Variants in FYN observed in about 807,000 individuals in gnomAD.
The protein encoded by FYN is tyrosine-protein kinase Fyn.
In FYN, 10 loss-of-function variants were observed where a neutral mutation model predicts 70.2. The ratio of observed to expected loss-of-function variants is 0.14; its 90% CI spans 0.09 to 0.24. The LOEUF (loss-of-function observed/expected upper bound fraction) is 0.24. Among genes scored for constraint, FYN ranks in the 10% least tolerant of loss-of-function variants. FYN has a pLI of 1.00. For missense variants in FYN, 319 were observed against 673.1 expected (o/e 0.47, Z 5.82); for synonymous variants, 236 against 248.6 (o/e 0.95, Z 0.48).
intron 9 of FYN, among the ~76,000 whole-genome samples, chr6:111,697,646 A>T (rs1799632227): frequency 1.3e-5 from 2 of 152,238 alleles, no homozygotes; most frequent in South Asian, 4.1e-4. Flanking sequence ...TTTATAAGTG[A>T]TCTTTGCTAT....
intron 3 of FYN, among the ~76,000 whole-genome samples, chr6:111,778,756 A>G (rs1353912931): frequency 1.3e-5 from 2 of 152,002 alleles, no homozygotes; most frequent in Non-Finnish European, 2.9e-5. Context: ...AGCCTCCTAA[A>G]GTGCTGGGAT....
chr6:111,860,976 C>T (rs115207039), intron 1 of FYN, among the ~76,000 whole-genome samples: 80 of 152,310 alleles, frequency 5.3e-4, no homozygotes, highest in African/African-American at 1.8e-3. Context: ...AGGGCTATTG[C>T]ATTTTCACCC....
chr6:111,719,860 A>G lies in FYN; in HGVS notation c.192T>C (p.Phe64=), dbSNP rs1270731145. Residue 64 remains phenylalanine, a synonymous_variant, in exon 4 of 14, where the codon TTT becomes TTC. Transcript: ENST00000354650. ...TATGAGACGAAGAGTTCACACCTCC[A>G]AAGACGGTGAGTCCTTGGCCCCCGG... ...HAAGGQGLTV[F]GGVNSSSHTG... The G allele has an allele frequency of 1.2e-6, 2 of 1,614,142 alleles. No homozygotes were observed. The highest frequency in any genetic ancestry group is 1.7e-5 in the Admixed American group (1 of 60,024).
At chr6:111,712,815 C>T (rs1800448189) in intron 5 of FYN, among the ~76,000 whole-genome samples, 1 of 152,196 alleles carries the variant, frequency 6.6e-6, no homozygotes, top group South Asian at 2.1e-4. Flanking sequence ...CTGGTGGCCA[C>T]ACAGGCATGT....
At chr6:111,804,127 CAAA>C (rs1772074562) in intron 2 of FYN, among the ~76,000 whole-genome samples, 1 of 152,124 alleles carries the variant, frequency 6.6e-6, no homozygotes, top group South Asian at 2.1e-4. Flanking sequence ...CCAAATAAAC[CAAA>C]ATGGAACATT....
chr6:111,775,899 T>C (rs911629873), intron 3 of FYN, among the ~76,000 whole-genome samples: 1 of 152,124 alleles, frequency 6.6e-6, no homozygotes, highest in East Asian at 1.9e-4. Flanking sequence ...ACTCTCCCCA[T>C]GGGATATTCT....
At chr6:111,688,635 T>C (rs755603570) in intron 12 of FYN, among the ~76,000 whole-genome samples, 1 of 151,642 alleles carries the variant, frequency 6.6e-6, no homozygotes, top group Non-Finnish European at 1.5e-5. Context: ...AGCGTGTGTG[T>C]GCTCATGCAG....
At chr6:111,845,375 C>T (rs187584139) in intron 2 of FYN, among the ~76,000 whole-genome samples, 1 of 152,360 alleles carries the variant, frequency 6.6e-6, no homozygotes, top group East Asian at 1.9e-4. Flanking sequence ...TCTAAAAAGG[C>T]TCCTTCTGCC....
chr6:111,789,180 T>C (rs978506188), intron 2 of FYN, among the ~76,000 whole-genome samples: 9 of 152,202 alleles, frequency 5.9e-5, no homozygotes, highest in Admixed American at 3.3e-4. Flanking sequence ...TCATTGGCTA[T>C]TGCCAGGTCT....
chr6:111,748,498 G>A (rs1281490198), intron 3 of FYN, among the ~76,000 whole-genome samples: 1 of 152,150 alleles, frequency 6.6e-6, no homozygotes, highest in African/African-American at 2.4e-5. Context: ...CGTATCAAGA[G>A]CAAAAATTCA....
intron 12 of FYN, among the ~76,000 whole-genome samples, chr6:111,690,019 C>T (rs554105972): frequency 5.3e-5 from 8 of 152,158 alleles, no homozygotes; most frequent in Non-Finnish European, 1.0e-4. Context: ...CAACATTAGT[C>T]GGCACTGAAA....
intron 3 of FYN, among the ~76,000 whole-genome samples, chr6:111,730,465 T>C (rs1033459339): frequency 3.3e-5 from 5 of 152,166 alleles, no homozygotes; most frequent in Non-Finnish European, 5.9e-5. Flanking sequence ...GAGGTGTCTG[T>C]AGGAGCTCTC....
At chr6:111,803,202 T>C (rs1772042165) in intron 2 of FYN, among the ~76,000 whole-genome samples, 1 of 152,262 alleles carries the variant, frequency 6.6e-6, no homozygotes, top group South Asian at 2.1e-4. Flanking sequence ...TTTGGCTAAC[T>C]GGTAGTATTA....
intron 2 of FYN, among the ~76,000 whole-genome samples, chr6:111,833,533 G>A (rs1201932930): frequency 6.6e-6 from 1 of 152,098 alleles, no homozygotes; most frequent in Non-Finnish European, 1.5e-5. Context: ...AGAAACGGGT[G>A]TTTCCATACC....
rs1800179197 is a variant in FYN, at chr6:111,707,982, C to A, written c.383G>T (p.Gly128Val). 6.2e-7 allele frequency: 1 copy of A among 1,613,946 alleles called. No individual in the cohort carries two copies. Among genetic ancestry groups the A allele is most frequent in the Admixed American group, 1.7e-5 (1 of 60,002 alleles). ...ATTGCTGGGAATGTAACCTGTCTCT[C>A]CAGTTGTCAAGGAGCGGGCTTCCCA... The part of the protein sequence containing the change: ...DWWEARSLTT[G>V]ETGYIPSNYV... The change falls in exon 6 of 14, where the codon GGA (glycine) becomes GTA (valine). Residue 128 changes from glycine to valine, a missense_variant. This residue lies in a region of FYN where 128 missense variants were observed against 183.9 expected (regional missense o/e 0.70). Transcript: ENST00000354650.
intron 2 of FYN, among the ~76,000 whole-genome samples, chr6:111,790,875 G>T (rs1465473120): frequency 2.0e-5 from 3 of 152,156 alleles, no homozygotes; most frequent in Admixed American, 1.3e-4. Flanking sequence ...AAGACTTTAT[G>T]CTGAAAATGA....
intron 3 of FYN, among the ~76,000 whole-genome samples, chr6:111,735,229 A>G (rs931448191): frequency 2.0e-5 from 3 of 152,222 alleles, no homozygotes; most frequent in African/African-American, 7.2e-5. Context: ...TTGGGTGCTA[A>G]GGCTGAAGAA....
At chr6:111,870,460 T>C (rs1298383523) in intron 1 of FYN, among the ~76,000 whole-genome samples, 2 of 152,232 alleles carry the variant, frequency 1.3e-5, no homozygotes, top group Admixed American at 1.3e-4. Flanking sequence ...CTGCTAACAT[T>C]AGCCTAATTG....
At chr6:111,714,314 GT>G in intron 5 of FYN, 32 bp downstream of exon 5, 1 of 1,423,764 alleles carries the variant, frequency 7.0e-7, no homozygotes, top group Non-Finnish European at 9.9e-7. Flanking sequence ...AACCTGAAAG[GT>G]ATACATGCTT....
Sources: gnomAD v4.1 joint callset for allele counts (sites outside exome capture counted in the v4.1 genomes callset) on GRCh38, gnomAD v4.1.1 for gene constraint, gnomAD v4.1.1 regional missense constraint, MANE v1.5 for transcripts, NCBI Gene and HGNC (gene_info 2026-07-23, HGNC 2026-07-21) for gene names.